SGIP1: variants seen among roughly 807,000 people sequenced by gnomAD.
SGIP1 encodes SH3GL interacting endocytic adaptor 1, also known as SH3-containing GRB2-like protein 3-interacting protein 1.
In SGIP1, 38 loss-of-function variants were observed where a neutral mutation model predicts 107.5. The observed-to-expected ratio is 0.35, with a 90% CI of 0.27 to 0.46. The LOEUF is 0.46. Ranked by LOEUF, SGIP1 falls within the 20% of genes least tolerant of loss-of-function variation. The probability of loss-of-function intolerance (pLI) is 1.00; values close to 1 mark genes in which losing one functional copy is unlikely to be tolerated. For missense variants in SGIP1, 929 were observed against 1,019.5 expected, an observed-to-expected ratio of 0.91 and a Z score of 1.21; for synonymous variants, 365 against 366.1, an observed-to-expected ratio of 1.00 and a Z score of 0.03.
At chr1:66,575,960 A>T (rs940829806) in intron 1 of SGIP1, among the ~76,000 whole-genome samples, 4 of 152,224 alleles carry the variant, frequency 2.6e-5, no homozygotes, top group Admixed American at 2.6e-4. Flanking sequence ...CATGTGCAAC[A>T]TGTCTAGTCT....
intron 18 of SGIP1, among the ~76,000 whole-genome samples, chr1:66,712,614 CTCTT>C (rs1334462573): frequency 6.6e-6 from 1 of 151,750 alleles, no homozygotes; most frequent in Non-Finnish European, 1.5e-5. Context: ...TCTAAAAAGT[CTCTT>C]TCTCTTCTTT....
intron 18 of SGIP1, among the ~76,000 whole-genome samples, chr1:66,712,664 C>T (rs1168752615): frequency 1.3e-5 from 2 of 152,008 alleles, no homozygotes; most frequent in East Asian, 1.9e-4. Context: ...TCCTTCCCCA[C>T]GTTCATTTTT....
intron 1 of SGIP1, among the ~76,000 whole-genome samples, chr1:66,562,482 TA>T: frequency 6.6e-6 from 1 of 151,980 alleles, no homozygotes; most frequent in African/African-American, 2.4e-5. Flanking sequence ...AAGACTGGGA[TA>T]GAGACTGCAG....
At chr1:66,698,985 A>G (rs1225946517) in intron 18 of SGIP1, among the ~76,000 whole-genome samples, 2 of 151,436 alleles carry the variant, frequency 1.3e-5, no homozygotes, top group African/African-American at 2.4e-5. Context: ...TCTGTCATCT[A>G]CTCATATAGC....
chr1:66,704,206 C>T (rs1227998497), intron 18 of SGIP1: 4 of 152,038 alleles, frequency 2.6e-5, no homozygotes, highest in African/African-American at 9.7e-5. Context: ...TTCTTGTCTT[C>T]TTCCACATAA....
chr1:66,685,199 A>T (rs1479638330), intron 15 of SGIP1, among the ~76,000 whole-genome samples: 2 of 152,232 alleles, frequency 1.3e-5, no homozygotes, highest in Non-Finnish European at 2.9e-5. Flanking sequence ...CTCGAAGCAT[A>T]TTTAATTGTA....
intron 2 of SGIP1, 67 bp downstream of exon 2, chr1:66,625,977 A>G: frequency 8.0e-7 from 1 of 1,256,472 alleles, no homozygotes; most frequent in Middle Eastern, 1.9e-4. Flanking sequence ...TATCACAGTC[A>G]ATATAAGATG....
chr1:66,586,342 A>G (rs72676189), intron 1 of SGIP1, among the ~76,000 whole-genome samples: 18,729 of 152,172 alleles, frequency 0.12, 1,201 homozygotes, highest in South Asian at 0.14. Flanking sequence ...TACACTTAAT[A>G]TAACTGATTA....
intron 1 of SGIP1, among the ~76,000 whole-genome samples, chr1:66,574,016 C>T (rs1021111002): frequency 3.9e-5 from 6 of 152,210 alleles, no homozygotes; most frequent in Admixed American, 6.5e-5. Flanking sequence ...TATCAAACAA[C>T]CCCAAACCTT....
At chr1:66,736,990 C>A (rs367642737) in intron 21 of SGIP1, among the ~76,000 whole-genome samples, 2 of 151,996 alleles carry the variant, frequency 1.3e-5, no homozygotes, top group East Asian at 3.8e-4. Context: ...TATAATATGG[C>A]ATAAATTCAT....
At chr1:66,709,982 A>G (rs1376595108) in intron 18 of SGIP1, among the ~76,000 whole-genome samples, 1 of 151,872 alleles carries the variant, frequency 6.6e-6, no homozygotes, top group Non-Finnish European at 1.5e-5. Context: ...TTACACACAT[A>G]TAAGATATAT....
At chr1:66,658,980 C>T (rs577935635) in intron 7 of SGIP1, among the ~76,000 whole-genome samples, 16 of 152,140 alleles carry the variant, frequency 1.1e-4, no homozygotes, top group Middle Eastern at 3.4e-3. Flanking sequence ...TGTAAGTGCA[C>T]GGCACATCCA....
At position 66,681,999 on chromosome 1, in the gene SGIP1, T is replaced by C. The variant is rs778446682; in HGVS notation, c.945T>C (p.Phe315=). Residue 315 remains phenylalanine, a synonymous_variant, in exon 15 of 25, where the codon TTT becomes TTC. Coordinates refer to ENST00000371037, the MANE Select transcript of SGIP1 (RefSeq NM_032291.4). ...ATGCTGAAGAAAAGTGGGTCCATTT[T>C]TCTGATACATCCCCGGAACATGTTA... ...AVNAEEKWVH[F]SDTSPEHVTP... 4.3e-6 allele frequency: 7 copies of C among 1,614,206 alleles called. No individual in the cohort carries two copies. The highest frequency in any genetic ancestry group is 5.9e-6 in the Non-Finnish European group (7 of 1,180,036).
chr1:66,631,570 T>C lies in SGIP1; in HGVS notation c.75-1500T>C, dbSNP rs1371387070. 2.0e-5 allele frequency among the ~76,000 whole-genome samples: 3 copies of C among 152,150 alleles called. No homozygotes were observed. The South Asian group carries it at 6.2e-4, about 32-fold the overall frequency. On this transcript the variant is annotated intron_variant, in intron 2 of 24. Transcript: ENST00000371037. ...GTGTATTATAATCCAAGTAGAATAT[T>C]CTGCTAATTTTGAAGGGATGTTGGT...
rs1044919054 is a variant in SGIP1, at chr1:66,681,755, T to A, written c.815-114T>A. ...AAAGATATTTTTACATCATGAAGTA[T>A]GCCCACTGAGGCACCTCAGACACCA... On this transcript the variant is annotated intron_variant, in intron 14 of 24. Transcript: ENST00000371037. 4.2e-5 allele frequency: 43 copies of A among 1,016,854 alleles called. No individual in the cohort carries two copies. The African/African-American group carries it at 5.8e-4, about 14-fold the overall frequency. 63.0% of individuals were successfully genotyped at this position (1,016,854 alleles called of 1,614,324 possible). A position where few individuals can be genotyped will look rare whatever the true frequency, so the allele number is the denominator to read the frequency against.
intron 1 of SGIP1, among the ~76,000 whole-genome samples, chr1:66,588,841 C>A (rs2063104489): frequency 6.6e-6 from 1 of 151,136 alleles, no homozygotes; most frequent in Non-Finnish European, 1.5e-5. Flanking sequence ...TTGGAAGGAA[C>A]CAAAACTTCA....
At chr1:66,577,595 T>C (rs1010690172) in intron 1 of SGIP1, among the ~76,000 whole-genome samples, 10 of 152,332 alleles carry the variant, frequency 6.6e-5, no homozygotes, top group Non-Finnish European at 1.3e-4. Context: ...ATTTGTATTA[T>C]AGTGACAAGT....
chr1:66,734,797 C>G (rs2094162399), intron 21 of SGIP1, among the ~76,000 whole-genome samples: 1 of 152,106 alleles, frequency 6.6e-6, no homozygotes, highest in Admixed American at 6.6e-5. Flanking sequence ...TGAGCCACCA[C>G]ACCAGCTGAC....
intron 1 of SGIP1, among the ~76,000 whole-genome samples, chr1:66,601,957 A>G (rs1302044457): frequency 6.6e-6 from 1 of 152,246 alleles, no homozygotes; most frequent in Non-Finnish European, 1.5e-5. Context: ...AAATTAGTAC[A>G]TAGATCCCTT....
Sources: allele counts gnomAD v4.1 joint callset (sites outside exome capture counted in the v4.1 genomes callset), GRCh38; gene constraint gnomAD v4.1.1; transcripts MANE v1.5; gene names NCBI Gene and HGNC (gene_info 2026-07-23, HGNC 2026-07-21).